ERBB4: variants seen among roughly 807,000 people sequenced by gnomAD.
The protein encoded by ERBB4 is erb-b2 receptor tyrosine kinase 4.
A neutral mutation model predicts 158.0 loss-of-function variants in ERBB4; 42 were observed. That is an observed-to-expected ratio of 0.27 (90% CI 0.21 to 0.34). The LOEUF is 0.34. Among genes scored for constraint, ERBB4 ranks in the 10% least tolerant of loss-of-function variants. The pLI, the probability that ERBB4 is intolerant of heterozygous loss-of-function variation, is 1.00. For synonymous variants in ERBB4, 583 were observed against 558.7 expected, an observed-to-expected ratio of 1.04 and a Z score of -0.61; for missense variants, 1,333 against 1,624.1, an observed-to-expected ratio of 0.82 and a Z score of 3.08.
chr2:212,307,661 T>G (rs1388441465), intron 1 of ERBB4, among the ~76,000 whole-genome samples: 1 of 151,116 alleles, frequency 6.6e-6, no homozygotes, highest in Non-Finnish European at 1.5e-5. Context: ...CTAGGACGGG[T>G]CCTTTCAAAT....
intron 9 of ERBB4, among the ~76,000 whole-genome samples, chr2:211,711,582 C>T (rs2073703369): frequency 6.6e-6 from 1 of 152,114 alleles, no homozygotes; most frequent in African/African-American, 2.4e-5. Context: ...GAAAATAACA[C>T]ATCAGGACAA....
In ERBB4 at chr2:211,611,441, C is replaced by CGCTTTACTTTTGCTTTT. The variant is rs1175401258; in HGVS notation, c.2301+7735_2301+7736insAAAAGCAAAAGTAAAGC. Among the ~76,000 whole-genome samples, 1,236 of 147,656 alleles carry CGCTTTACTTTTGCTTTT rather than the reference C, an allele frequency of 8.4e-3. 17 individuals are homozygous for CGCTTTACTTTTGCTTTT. Among genetic ancestry groups the CGCTTTACTTTTGCTTTT allele is most frequent in the African/African-American group, 0.032 (1,183 of 37,188 alleles). On this transcript the variant is annotated intron_variant, in intron 19 of 27. Transcript: ENST00000342788. ...TTTGCTTTCGCTTTACTTTTGCTTTCGCTTTAATGAGTCTTGCTGCCACAC... is the reference window on the plus strand; with the variant it reads ...TTTGCTTTCGCTTTACTTTTGCTTTCGCTTTACTTTTGCTTTTGCTTTAATGAGTCTTGCTGCCACAC...
chr2:212,061,411 C>T lies in ERBB4; in HGVS notation c.234+63341G>A, dbSNP rs528563999. On this transcript the variant is annotated intron_variant, in intron 2 of 27. Coordinates refer to ENST00000342788, the MANE Select transcript of ERBB4 (RefSeq NM_005235.3). ...GAGGTTGCAGTGAGCCGCGATGGTT[C>T]CACTGCACTCCAGCCTGGGTGACAG... Among the ~76,000 whole-genome samples the T allele has an allele frequency of 4.4e-5, 6 of 135,580 alleles. No individual in the cohort carries two copies. The East Asian group carries it at 1.3e-3, about 30-fold the overall frequency. The allele number at this position is 135,580 out of a possible 152,430, so 88.9% of individuals were successfully genotyped here.
chr2:212,456,940 T>C (rs754483343), intron 1 of ERBB4, among the ~76,000 whole-genome samples: 17 of 151,922 alleles, frequency 1.1e-4, no homozygotes, highest in Non-Finnish European at 2.4e-4. Context: ...TCTATTATAC[T>C]TAAGGTTTTC....
At chr2:212,053,749 T>C (rs1020906335) in intron 2 of ERBB4, among the ~76,000 whole-genome samples, 1 of 152,214 alleles carries the variant, frequency 6.6e-6, no homozygotes, top group African/African-American at 2.4e-5. Context: ...ATCTCTCCGA[T>C]CTGTTCCTTT....
chr2:211,528,497 A>T (rs1456657936), intron 20 of ERBB4, among the ~76,000 whole-genome samples: 1 of 152,104 alleles, frequency 6.6e-6, no homozygotes, highest in Non-Finnish European at 1.5e-5. Flanking sequence ...TCTGCTCTAT[A>T]CACCAAATGG....
At chr2:211,785,021 A>T (rs1013393856) in intron 4 of ERBB4, among the ~76,000 whole-genome samples, 1 of 151,696 alleles carries the variant, frequency 6.6e-6, no homozygotes, top group Non-Finnish European at 1.5e-5. Flanking sequence ...TATCAGATAC[A>T]TGATTTACAA....
chr2:212,235,252 C>CTTT (rs1288852055), intron 1 of ERBB4, among the ~76,000 whole-genome samples: 1 of 152,032 alleles, frequency 6.6e-6, no homozygotes, highest in African/African-American at 2.4e-5. Context: ...CCATTGCTTG[C>CTTT]TTTTATCAGG....
At chr2:211,701,288 T>C (rs535784568) in intron 12 of ERBB4, among the ~76,000 whole-genome samples, 2 of 152,344 alleles carry the variant, frequency 1.3e-5, no homozygotes, top group South Asian at 4.1e-4. Flanking sequence ...GGCAAAACTC[T>C]GTTATTCTGT....
intron 20 of ERBB4, among the ~76,000 whole-genome samples, chr2:211,457,533 A>G (rs894264257): frequency 6.6e-6 from 1 of 152,196 alleles, no homozygotes; most frequent in Non-Finnish European, 1.5e-5. Context: ...TAAACATCGA[A>G]CACTCAAGGT....
chr2:212,009,833 G>C (rs538104066), intron 2 of ERBB4, among the ~76,000 whole-genome samples: 1 of 151,910 alleles, frequency 6.6e-6, no homozygotes, highest in Non-Finnish European at 1.5e-5. Context: ...TAAATGTCCC[G>C]GACATTTGTA....
Position 211,713,208 on chromosome 2 carries a change from G to A in ERBB4, c.997+327C>T, listed in dbSNP as rs565394313. Among the ~76,000 whole-genome samples, 3 of 152,158 alleles carry A rather than the reference G, an allele frequency of 2.0e-5. No individual in the cohort carries two copies. In the South Asian group the frequency reaches 6.2e-4, roughly 32 times the overall value. On this transcript the variant is annotated intron_variant, in intron 8 of 27. Transcript: ENST00000342788. ...GCAAGCAACTAATATGTGTTGTGAT[G>A]CCAACATAACCGTGTGAACTCTTGT...
intron 20 of ERBB4, among the ~76,000 whole-genome samples, chr2:211,524,695 C>T (rs2066294337): frequency 6.6e-6 from 1 of 151,142 alleles, no homozygotes; most frequent in Non-Finnish European, 1.5e-5. Flanking sequence ...AGCCCACGCC[C>T]ACCCGGAACT....
At chr2:211,540,918 C>G (rs1455958700) in intron 20 of ERBB4, among the ~76,000 whole-genome samples, 1 of 151,824 alleles carries the variant, frequency 6.6e-6, no homozygotes, top group Admixed American at 6.6e-5. Context: ...CTATGGTATA[C>G]AGTATGTTGT....
intron 1 of ERBB4, among the ~76,000 whole-genome samples, chr2:212,355,710 C>T (rs1050776409): frequency 1.1e-4 from 16 of 151,744 alleles, no homozygotes; most frequent in Non-Finnish European, 1.5e-4. Context: ...GTAACTAAAA[C>T]GTATCCTTTA....
At chr2:211,446,349 G>T (rs973530143) in intron 20 of ERBB4, among the ~76,000 whole-genome samples, 2 of 152,132 alleles carry the variant, frequency 1.3e-5, no homozygotes, top group Non-Finnish European at 2.9e-5. Flanking sequence ...AGAGAAATTG[G>T]ATATTTGGGG....
chr2:211,839,180 AGG>A (rs1447562600), intron 3 of ERBB4, among the ~76,000 whole-genome samples: 35 of 139,924 alleles, frequency 2.5e-4, no homozygotes, highest in Non-Finnish European at 4.5e-4. Flanking sequence ...GAGGAGGAGG[AGG>A]AGGAGGAGGA....
At chr2:212,105,863 A>T (rs2079211657) in intron 2 of ERBB4, among the ~76,000 whole-genome samples, 1 of 152,136 alleles carries the variant, frequency 6.6e-6, no homozygotes, top group South Asian at 2.1e-4. Context: ...AAGTCATAGG[A>T]GATCTGATAG....
chr2:211,696,722 T>A (rs979557410), intron 12 of ERBB4, among the ~76,000 whole-genome samples: 8 of 152,084 alleles, frequency 5.3e-5, no homozygotes, highest in Admixed American at 4.6e-4. Context: ...CAGGCTGGAG[T>A]ACAGTGGCGT....
Sources: allele counts gnomAD v4.1 joint callset (sites outside exome capture counted in the v4.1 genomes callset), GRCh38; gene constraint gnomAD v4.1.1; transcripts MANE v1.5; gene names NCBI Gene and HGNC (gene_info 2026-07-23, HGNC 2026-07-21).